ITFG1: variants seen among roughly 807,000 people sequenced by gnomAD.
ITFG1 encodes integrin alpha FG-GAP repeat containing 1.
Under a neutral mutation model 81.8 loss-of-function variants are expected in ITFG1, and 34 were observed. The observed-to-expected ratio is 0.42, with a 90% confidence interval of 0.32 to 0.55. The LOEUF (loss-of-function observed/expected upper bound fraction) is 0.55, where lower values mean the gene tolerates loss of function less well. Ranked by LOEUF, ITFG1 falls within the 20% of genes least tolerant of loss-of-function variation. The pLI is 0.17. For missense variants in ITFG1, 672 were observed against 755.4 expected, an observed-to-expected ratio of 0.89 and a Z score of 1.29; for synonymous variants, 285 against 270.6, an observed-to-expected ratio of 1.05 and a Z score of -0.52.
rs373362393 is a variant in ITFG1, at chr16:47,371,034, C to T, written c.720+4842G>A. 1.4e-4 allele frequency among the ~76,000 whole-genome samples: 21 copies of T among 152,192 alleles called. No homozygotes were observed. In the East Asian group the frequency reaches 1.5e-3, roughly 11 times the overall value. On this transcript the variant is annotated intron_variant, in intron 7 of 17. Transcript: ENST00000320640. ...GCATTTCTTACTGTGATGTTCTTAC[C>T]GATCTGCACTGTTTCCCTGCAATCC...
At chr16:47,224,497 G>A (rs1332346503) in intron 13 of ITFG1, among the ~76,000 whole-genome samples, 2 of 152,150 alleles carry the variant, frequency 1.3e-5, no homozygotes, top group East Asian at 1.9e-4. Flanking sequence ...CCATTAAGCT[G>A]AGTGGCAACA....
chr16:47,443,900 T>A (rs1216285634), intron 5 of ITFG1, among the ~76,000 whole-genome samples: 6 of 151,806 alleles, frequency 4.0e-5, no homozygotes, highest in African/African-American at 1.5e-4. Flanking sequence ...AGTATAATAA[T>A]AATAAAATAA....
chr16:47,288,641 G>A (rs966627876), intron 10 of ITFG1, among the ~76,000 whole-genome samples: 2 of 151,616 alleles, frequency 1.3e-5, no homozygotes, highest in Non-Finnish European at 1.5e-5. Context: ...ACAAAGTCTC[G>A]CTCTGTCGCT....
chr16:47,444,523 A>G (rs1042522048), intron 5 of ITFG1, among the ~76,000 whole-genome samples: 4 of 152,286 alleles, frequency 2.6e-5, no homozygotes, highest in East Asian at 3.9e-4. Context: ...GTAAAAAATT[A>G]TTTGGCTCAG....
At chr16:47,393,834 T>TA (rs1316052761) in intron 6 of ITFG1, among the ~76,000 whole-genome samples, 22 of 152,230 alleles carry the variant, frequency 1.4e-4, no homozygotes, top group African/African-American at 4.6e-4. Flanking sequence ...ATTTGGCTAT[T>TA]ACATGTTTTG....
chr16:47,374,958 C>T (rs1968305137), intron 7 of ITFG1, among the ~76,000 whole-genome samples: 1 of 152,062 alleles, frequency 6.6e-6, no homozygotes, highest in African/African-American at 2.4e-5. Context: ...TTGTGCTTTA[C>T]ATTTCAAAAA....
At chr16:47,358,274 G>C (rs1255779309) in intron 8 of ITFG1, among the ~76,000 whole-genome samples, 27 of 152,188 alleles carry the variant, frequency 1.8e-4, no homozygotes. Flanking sequence ...CCGCAGGTTA[G>C]AGGGAGAACT....
intron 12 of ITFG1, among the ~76,000 whole-genome samples, chr16:47,255,168 A>G (rs1237655689): frequency 6.6e-6 from 1 of 152,212 alleles, no homozygotes; most frequent in African/African-American, 2.4e-5. Flanking sequence ...ACAGAAAGAA[A>G]ACAATATTTT....
intron 8 of ITFG1, among the ~76,000 whole-genome samples, chr16:47,354,008 A>G (rs553696291): frequency 6.6e-6 from 1 of 152,314 alleles, no homozygotes; most frequent in African/African-American, 2.4e-5. Context: ...TGCAATCCCT[A>G]TCAAAATACC....
At chr16:47,367,468 C>T (rs1161291509) in intron 7 of ITFG1, among the ~76,000 whole-genome samples, 2 of 152,184 alleles carry the variant, frequency 1.3e-5, no homozygotes, top group Non-Finnish European at 2.9e-5. Flanking sequence ...TTTGGGGTTG[C>T]CATCCACCAA....
At chr16:47,255,358 G>A (rs907133996) in intron 12 of ITFG1, among the ~76,000 whole-genome samples, 8 of 152,228 alleles carry the variant, frequency 5.3e-5, no homozygotes, top group South Asian at 4.2e-4. Flanking sequence ...GAGAAATTAC[G>A]TAAATTAGAG....
chr16:47,316,526 T>C (rs1207652051), intron 8 of ITFG1, among the ~76,000 whole-genome samples: 1 of 152,204 alleles, frequency 6.6e-6, no homozygotes, highest in Non-Finnish European at 1.5e-5. Context: ...ACACAAACAA[T>C]GCATTTATCC....
chr16:47,404,493 C>T (rs764619825), intron 6 of ITFG1, among the ~76,000 whole-genome samples: 2 of 152,086 alleles, frequency 1.3e-5, no homozygotes, highest in Non-Finnish European at 2.9e-5. Flanking sequence ...AATAAATACC[C>T]TATTCCCTTA....
intron 10 of ITFG1, among the ~76,000 whole-genome samples, chr16:47,308,401 A>G (rs1479593777): frequency 2.0e-5 from 3 of 152,220 alleles, no homozygotes; most frequent in Non-Finnish European, 4.4e-5. Context: ...GAAAAAGTAG[A>G]ACATCTGCAA....
At position 47,155,553 on chromosome 16, in the gene ITFG1, G is replaced by A; in HGVS notation, c.*166C>T. 2.0e-6 allele frequency: 1 copy of A among 506,012 alleles called. No individual in the cohort carries two copies. Among genetic ancestry groups the A allele is most frequent in the East Asian group, 3.3e-5 (1 of 29,940 alleles). The allele number at this position is 506,012 out of a possible 1,614,324, so 31.3% of individuals were successfully genotyped here. ...ATATACAAAGTGCTTTAAAAAAAAA[G>A]ACCTTGTGACATATTCAAACCATAT... On this transcript the variant is annotated 3_prime_UTR_variant, in exon 18 of 18. Transcript: ENST00000320640.
In ITFG1 at chr16:47,421,303, C is replaced by CAT. The variant is rs1250846595; in HGVS notation, c.655+7500_655+7501insAT. ...ACACACACACACACACACACACACA[C>CAT]ACATACATATTTTTTTTTTCTGAGA... On this transcript the variant is annotated intron_variant, in intron 6 of 17. Coordinates refer to ENST00000320640, the MANE Select transcript of ITFG1 (RefSeq NM_030790.5). 2.8e-3 allele frequency among the ~76,000 whole-genome samples: 405 copies of CAT among 145,172 alleles called. 1 individual carries two copies. The highest frequency in any genetic ancestry group is 5.2e-3 in the Admixed American group (78 of 14,978).
At chr16:47,318,536 T>C (rs1221655381) in intron 8 of ITFG1, among the ~76,000 whole-genome samples, 1 of 152,176 alleles carries the variant, frequency 6.6e-6, no homozygotes, top group Non-Finnish European at 1.5e-5. Flanking sequence ...TTACATTAAA[T>C]TAAAATTTAT....
At chr16:47,209,629 G>C (rs1965541799) in intron 14 of ITFG1, among the ~76,000 whole-genome samples, 1 of 152,140 alleles carries the variant, frequency 6.6e-6, no homozygotes, top group Non-Finnish European at 1.5e-5. Context: ...CTGATTCTGA[G>C]ACAGTGAAGT....
chr16:47,236,091 T>C (rs1398000020), intron 13 of ITFG1, among the ~76,000 whole-genome samples: 3 of 152,208 alleles, frequency 2.0e-5, no homozygotes, highest in Non-Finnish European at 4.4e-5. Context: ...ACTTTACTTA[T>C]GTGACTTTCC....
Sources: gnomAD v4.1 joint callset for allele counts (sites outside exome capture counted in the v4.1 genomes callset) on GRCh38, gnomAD v4.1.1 for gene constraint, MANE v1.5 for transcripts, NCBI Gene and HGNC (gene_info 2026-07-23, HGNC 2026-07-21) for gene names.